WDR81: variants seen among roughly 807,000 people sequenced by gnomAD.
The protein encoded by WDR81 is WD repeat-containing protein 81.
WDR81 carries 92 observed loss-of-function variants against 140.8 expected under a neutral mutation model. That is an observed-to-expected ratio of 0.65 (90% confidence interval 0.55 to 0.78). WDR81 has a LOEUF of 0.78. Among genes scored for constraint, WDR81 ranks in the 30% least tolerant of loss-of-function variants. The probability of loss-of-function intolerance (pLI) is 0.00; values close to 1 mark genes in which losing one functional copy is unlikely to be tolerated. For missense variants in WDR81, 2,502 were observed against 2,636.4 expected (o/e 0.95, Z 1.12); for synonymous variants, 1,183 against 1,156.4 (o/e 1.02, Z -0.47).
Position 1,728,017 on chromosome 17 carries a change from G to A in WDR81, c.3058G>A (p.Glu1020Lys), listed in dbSNP as rs1597290405. The A allele has an allele frequency of 1.3e-6, 2 of 1,553,504 alleles. No individual in the cohort carries two copies. Among genetic ancestry groups the A allele is most frequent in the Non-Finnish European group, 1.7e-6 (2 of 1,148,844 alleles). The change falls in exon 1 of 10, where the codon GAG becomes AAG. Residue 1020 changes from glutamate to lysine, a missense_variant. Physicochemically the swap from Glu to Lys is moderately conservative, Grantham distance 56. Around this residue, in one of 3 missense-constraint regions of WDR81, gnomAD observed 1,737 missense variants for 1,843.0 expected, o/e 0.94. Coordinates refer to ENST00000409644, the MANE Select transcript of WDR81 (RefSeq NM_001163809.2). ...QVLAGAEASQEESKDLAGAAE... is the reference protein window; with the variant it reads ...QVLAGAEASQKESKDLAGAAE... ...GCTGGCGGGCGCAGAGGCCTCCCAG[G>A]AGGAGAGCAAGGACCTGGCAGGGGC...
upstream of WDR81, among the ~76,000 whole-genome samples, chr17:1,722,635 G>A (rs1330612692): frequency 6.7e-6 from 1 of 149,620 alleles, no homozygotes. Flanking sequence ...ATGAGCCACC[G>A]CACCCGGCCC....
chr17:1,730,409 T>G lies in WDR81; in HGVS notation c.3697T>G (p.Ser1233Ala), dbSNP rs1389645049. The stretch of plus-strand genomic sequence containing the variant: ...AGCCTGCAAGATGGTCCGCTGGCTG[T>G]CTGCCAAGCTCGGCCCCACAGTGGC... Reference protein sequence around the residue: ...DTACKMVRWLSAKLGPTVASR... With the variant: ...DTACKMVRWLAAKLGPTVASR... The change falls in exon 2 of 10, where the codon TCT becomes GCT. Residue 1233 changes from serine (S) to alanine (A), a missense_variant. Physicochemically the swap from Ser to Ala is moderately conservative, Grantham distance 99 (BLOSUM62 1). Around this residue, in one of 3 missense-constraint regions of WDR81, gnomAD observed 1,737 missense variants for 1,843.0 expected, o/e 0.94. Coordinates refer to ENST00000409644, the MANE Select transcript of WDR81 (RefSeq NM_001163809.2). 2.5e-6 allele frequency: 4 copies of G among 1,613,082 alleles called. No individual in the cohort carries two copies. The highest frequency in any genetic ancestry group is 1.3e-5 in the African/African-American group (1 of 75,052).
In WDR81 at chr17:1,733,697, G is replaced by A. The variant is rs1191621412; in HGVS notation, c.4660G>A (p.Gly1554Ser). ...PHGGGCPQDDGHSGTFGSVLV... is the reference protein window; with the variant it reads ...PHGGGCPQDDSHSGTFGSVLV... ...TGGTGGGGGCTGCCCTCAGGATGAC[G>A]GCCACTCAGGGACCTTTGGGAGCGT... The change falls in exon 7 of 10, where the codon GGC (glycine) becomes AGC (serine). Residue 1554 changes from glycine to serine, a missense_variant. Coordinates refer to ENST00000409644, the MANE Select transcript of WDR81 (RefSeq NM_001163809.2). The A allele has an allele frequency of 6.2e-6, 10 of 1,612,226 alleles. No individual in the cohort carries two copies. In the East Asian group the frequency reaches 6.7e-5, roughly 11 times the overall value.
Position 1,735,406 on chromosome 17 carries a change from G to A in WDR81, c.5180-166G>A, listed in dbSNP as rs1032239429. On this transcript the variant is annotated intron_variant, in intron 7 of 9. Coordinates refer to ENST00000409644, the MANE Select transcript of WDR81 (RefSeq NM_001163809.2). The surrounding 1 kb of genome is among the most constrained non-coding windows in gnomAD (Gnocchi z 4.2). ...ATTGCACCACTGCACTCCAGCCTGG[G>A]CGACAAAGCGAGACTCCATCTCAAA... is the stretch of plus-strand genomic sequence containing the variant. Among the ~76,000 whole-genome samples, 6 of 152,334 alleles carry A rather than the reference G, an allele frequency of 3.9e-5. No individual in the cohort carries two copies. In the East Asian group the frequency reaches 7.7e-4, roughly 20 times the overall value.
intron 2 of WDR81, 34 bp downstream of exon 2, chr17:1,730,521 G>A: frequency 6.3e-7 from 1 of 1,588,266 alleles, no homozygotes; most frequent in Non-Finnish European, 8.6e-7. Context: ...TGGAGATGAG[G>A]CTTTCTCCCA....
In WDR81 at chr17:1,726,222, G is replaced by A. The variant is rs750149412; in HGVS notation, c.1263G>A (p.Arg421=). ...TGGACTTCACGTATGAGATGACACG[G>A]CAGGCATTCGTAGCAGGCGGGGCGG... ...KQLDFTYEMT[R]QAFVAGGAGG... is the part of the protein sequence containing the mutation. Residue 421 remains arginine, a synonymous_variant, in exon 1 of 10, where the codon CGG becomes CGA. Coordinates refer to ENST00000409644, the MANE Select transcript of WDR81 (RefSeq NM_001163809.2). 2 of 1,534,002 alleles carry A rather than the reference G, an allele frequency of 1.3e-6. No individual in the cohort carries two copies. The highest frequency in any genetic ancestry group is 2.5e-5 in the East Asian group (1 of 40,636).
chr17:1,725,958 A>AGGGCAACCT lies in WDR81; in HGVS notation c.1008_1016dup (p.Gly337_Pro339dup). On this transcript the variant is annotated inframe_insertion, in exon 1 of 10. Coordinates refer to ENST00000409644, the MANE Select transcript of WDR81 (RefSeq NM_001163809.2). ...GCATTGTGTCTCAAGAGGAGCAGGG[A>AGGGCAACCT]GGGCAACCTGGGCAACCCACTGGCC... The AGGGCAACCT allele has an allele frequency of 1.9e-6, 3 of 1,550,584 alleles. No homozygotes were observed. Among genetic ancestry groups the AGGGCAACCT allele is most frequent in the Non-Finnish European group, 2.6e-6 (3 of 1,146,888 alleles).
intron 1 of WDR81, among the ~76,000 whole-genome samples, chr17:1,729,402 C>G (rs1915528194): frequency 6.6e-6 from 1 of 151,986 alleles, no homozygotes; most frequent in South Asian, 2.1e-4. Flanking sequence ...ATTACTTGAA[C>G]CCAGGAGGTG....
upstream of WDR81, among the ~76,000 whole-genome samples, chr17:1,721,559 C>T (rs1391268157): frequency 6.6e-6 from 1 of 151,946 alleles, no homozygotes; most frequent in African/African-American, 2.4e-5. Context: ...CCATGGCTCA[C>T]ACCTGTAATC....
chr17:1,735,752 G>A lies in WDR81; in HGVS notation c.5325+35G>A. On this transcript the variant is annotated intron_variant, in intron 8 of 9. Transcript: ENST00000409644. The surrounding 1 kb of genome is among the most constrained non-coding windows in gnomAD (Gnocchi z 4.2). ...GTCCAGTTCCCTGAGCACTCGCCTG[G>A]TTCTCTGGGGACCTGGCAAGGAGGA... is the stretch of plus-strand genomic sequence containing the variant. 7 of 1,577,462 alleles carry A rather than the reference G, an allele frequency of 4.4e-6. No individual in the cohort carries two copies. Among genetic ancestry groups the A allele is most frequent in the Non-Finnish European group, 6.0e-6 (7 of 1,161,016 alleles).
exon 1 of WDR81, chr17:1,716,576 A>G (rs1448185041): frequency 3.2e-6 from 5 of 1,551,698 alleles, no homozygotes; most frequent in East Asian, 4.9e-5. Flanking sequence ...TTTGCAATGC[A>G]TGCTGGTCCG....
Position 1,730,455 on chromosome 17 carries a change from ACCTGCTCCG to A in WDR81, c.3750_3758del (p.Arg1251_Leu1253del), listed in dbSNP as rs1397493192. 6.2e-7 allele frequency: 1 copy of A among 1,613,268 alleles called. No individual in the cohort carries two copies. The highest frequency in any genetic ancestry group is 8.5e-7 in the Non-Finnish European group (1 of 1,179,926). On this transcript the variant is annotated inframe_deletion, in exon 2 of 10. Coordinates refer to ENST00000409644, the MANE Select transcript of WDR81 (RefSeq NM_001163809.2). ...GTGGCCTCTCGCCACGTGGCCCGGA[ACCTGCTCCG>A]CCTGCTGACGTCTTGTTATGTTGGT...
Position 1,726,988 on chromosome 17 carries a change from G to C in WDR81, c.2029G>C (p.Asp677His). The change falls in exon 1 of 10, where the codon GAC (aspartate) becomes CAC (histidine). Residue 677 changes from aspartate (D) to histidine (H), a missense_variant. Coordinates refer to ENST00000409644, the MANE Select transcript of WDR81 (RefSeq NM_001163809.2). ...DSISLAGKAG[D>H]QLGSSSQASP... The stretch of plus-strand genomic sequence containing the variant: ...CATTTCCCTTGCTGGGAAAGCAGGT[G>C]ACCAGCTGGGCTCCTCCAGTCAAGC... 1 of 1,550,430 alleles carries C rather than the reference G, an allele frequency of 6.4e-7. No individual in the cohort carries two copies. The highest frequency in any genetic ancestry group is 8.7e-7 in the Non-Finnish European group (1 of 1,146,986).
rs1374705880 is a variant in WDR81, at chr17:1,726,602, C to A, written c.1643C>A (p.Thr548Lys). Residue 548 changes from threonine to lysine, a missense_variant, in exon 1 of 10, where the codon ACG becomes AAG. Thr to Lys is a moderately conservative substitution (Grantham distance 78). Around this residue, in one of 3 missense-constraint regions of WDR81, gnomAD observed 218 missense variants for 279.6 expected, o/e 0.78. Transcript: ENST00000409644. The part of the protein sequence containing the change: ...SRDLHHWIDL[T>K]FGYKLQGKEA... ...GACCTGCACCATTGGATCGACCTCA[C>A]GTTTGGCTATAAACTCCAGGGTAAG... The A allele has an allele frequency of 6.5e-7, 1 of 1,550,280 alleles. No homozygotes were observed. Among genetic ancestry groups the A allele is most frequent in the Admixed American group, 2.0e-5 (1 of 50,988 alleles).
intron 1 of WDR81, among the ~76,000 whole-genome samples, chr17:1,719,211 C>G (rs1028241663): frequency 6.6e-6 from 1 of 152,212 alleles, no homozygotes; most frequent in African/African-American, 2.4e-5. Context: ...ATAAGGAATT[C>G]AAGCCTTGTT....
upstream of WDR81, among the ~76,000 whole-genome samples, chr17:1,719,824 G>T (rs998128122): frequency 2.0e-5 from 3 of 152,044 alleles, no homozygotes; most frequent in Non-Finnish European, 4.4e-5. Flanking sequence ...GCAACATGAT[G>T]AAACTCTAGC....
At position 1,725,899 on chromosome 17, in the gene WDR81, AATGAGG is replaced by A. The variant is rs1567718361; in HGVS notation, c.942_947del (p.Asn314_Glu316delinsLys). 1 of 1,550,760 alleles carries A rather than the reference AATGAGG, an allele frequency of 6.4e-7. No homozygotes were observed. Among genetic ancestry groups the A allele is most frequent in the Non-Finnish European group, 8.7e-7 (1 of 1,146,942 alleles). ...TTATGAGAGGCCCGAGGAGGACGAG[AATGAGG>A]AGGCCCCTGTGGCAAGGGATGAGGC... On this transcript the variant is annotated inframe_deletion, in exon 1 of 10. Coordinates refer to ENST00000409644, the MANE Select transcript of WDR81 (RefSeq NM_001163809.2).
intron 9 of WDR81, among the ~76,000 whole-genome samples, chr17:1,737,017 G>C (rs1302355486): frequency 6.6e-6 from 1 of 152,162 alleles, no homozygotes; most frequent in Non-Finnish European, 1.5e-5. Flanking sequence ...CATGACCTTG[G>C]TATGGTTACT....
chr17:1,727,023 A>G lies in WDR81; in HGVS notation c.2064A>G (p.Gly688=), dbSNP rs115497243. The change falls in exon 1 of 10, where the codon GGA becomes GGG. Residue 688 remains glycine, a synonymous_variant. Coordinates refer to ENST00000409644, the MANE Select transcript of WDR81 (RefSeq NM_001163809.2). The part of the protein sequence containing the change: ...QLGSSSQASP[G]LLSFSVASAS... ...GCTCCTCCAGTCAAGCGTCCCCTGG[A>G]CTTCTCTCTTTCTCAGTGGCCTCAG... 6.5e-7 allele frequency: 1 copy of G among 1,550,082 alleles called. No homozygotes were observed. Among genetic ancestry groups the G allele is most frequent in the East Asian group, 2.4e-5 (1 of 40,930 alleles).
Sources: allele counts gnomAD v4.1 joint callset (sites outside exome capture counted in the v4.1 genomes callset), GRCh38; gene constraint gnomAD v4.1.1; regional missense constraint gnomAD v4.1.1; non-coding constraint Gnocchi (gnomAD v3.1); transcripts MANE v1.5; gene names NCBI Gene and HGNC (gene_info 2026-07-23, HGNC 2026-07-21).